The following ELOVL2 variants were observed in gnomAD, a reference collection of about 807,000 sequenced individuals.
ELOVL2 encodes ELOVL fatty acid elongase 2.
ELOVL2 carries 38 observed loss-of-function variants against 37.7 expected under a neutral mutation model. The ratio of observed to expected loss-of-function variants is 1.01; its 90% CI spans 0.78 to 1.32. The LOEUF is 1.32. Among genes scored for constraint, ELOVL2 ranks in the 40% most tolerant of loss-of-function variants. The pLI is 0.00. For missense variants in ELOVL2, 352 were observed against 363.6 expected (o/e 0.97, Z 0.26); for synonymous variants, 115 against 122.3 (o/e 0.94, Z 0.40).
chr6:10,988,555 ACT>A (rs1384973601), intron 7 of ELOVL2, among the ~76,000 whole-genome samples: 4 of 152,294 alleles, frequency 2.6e-5, no homozygotes. Context: ...TAAGAGCAAA[ACT>A]CTGTTTCAAA....
At chr6:11,010,696 G>A in intron 2 of ELOVL2, 50 bp downstream of exon 2, 1 of 1,356,102 alleles carries the variant, frequency 7.4e-7, no homozygotes, top group Non-Finnish European at 1.1e-6. Context: ...TAACTAAATG[G>A]TGTTCTTCCT....
At chr6:11,015,848 G>C (rs140230291) in intron 1 of ELOVL2, 53 of 152,268 alleles carry the variant, frequency 3.5e-4, no homozygotes, top group African/African-American at 1.3e-3. Flanking sequence ...ACAAACCAGG[G>C]CATCTCAAAT....
chr6:11,033,334 C>T (rs1228954174), intron 1 of ELOVL2, among the ~76,000 whole-genome samples: 2 of 152,140 alleles, frequency 1.3e-5, no homozygotes, highest in African/African-American at 4.8e-5. Flanking sequence ...GAATCCAATA[C>T]ACTTAAGAGT....
At chr6:10,994,096 A>C (rs1782219753) in intron 5 of ELOVL2, among the ~76,000 whole-genome samples, 1 of 151,572 alleles carries the variant, frequency 6.6e-6, no homozygotes, top group Non-Finnish European at 1.5e-5. Flanking sequence ...CCAGGAGGTT[A>C]AGGCTGCGGT....
At chr6:10,992,428 T>C (rs1371640720) in intron 5 of ELOVL2, among the ~76,000 whole-genome samples, 1 of 152,060 alleles carries the variant, frequency 6.6e-6, no homozygotes, top group African/African-American at 2.4e-5. Context: ...CATCTCAAAC[T>C]GTAGGTCATA....
At chr6:11,013,370 G>C (rs1415484740) in intron 1 of ELOVL2, among the ~76,000 whole-genome samples, 2 of 152,262 alleles carry the variant, frequency 1.3e-5, no homozygotes, top group Non-Finnish European at 2.9e-5. Flanking sequence ...TAGTGAACTG[G>C]GGTGAGATTA....
rs1346505638 is a variant in ELOVL2, at chr6:11,040,050, G to A, written c.3+4178C>T. Among the ~76,000 whole-genome samples the A allele has an allele frequency of 3.3e-5, 5 of 152,150 alleles. No homozygotes were observed. The South Asian group carries it at 8.3e-4, about 25-fold the overall frequency. On this transcript the variant is annotated intron_variant, in intron 1 of 7. Transcript: ENST00000354666. ...ATGGTGGAAAGGGGGCTCAAGGGGT[G>A]GAGGAAAGAGATTTTGAAATATTTT...
chr6:11,004,540 T>G (rs1782446854), intron 3 of ELOVL2, among the ~76,000 whole-genome samples: 5 of 152,034 alleles, frequency 3.3e-5, no homozygotes, highest in Admixed American at 2.6e-4. Flanking sequence ...TAAAATGACC[T>G]TGGTTTGGTG....
intron 7 of ELOVL2, among the ~76,000 whole-genome samples, chr6:10,985,275 G>C (rs1038817615): frequency 7.9e-5 from 12 of 151,800 alleles, no homozygotes; most frequent in Non-Finnish European, 1.6e-4. Context: ...TTTGTCAGAT[G>C]AGTAGGTTGT....
At chr6:11,043,404 A>AACACACAC (rs34656289) in intron 1 of ELOVL2, 17,879 of 114,938 alleles carry the variant, frequency 0.16, 2,045 homozygotes, top group Admixed American at 0.21. Flanking sequence ...GACACGGGTG[A>AACACACAC]ACACACACAC....
chr6:10,997,137 A>G (rs1217728983), intron 4 of ELOVL2, among the ~76,000 whole-genome samples: 1 of 152,240 alleles, frequency 6.6e-6, no homozygotes, highest in Non-Finnish European at 1.5e-5. Context: ...AATAAGTCAA[A>G]TGAACACTCA....
chr6:11,032,447 C>A (rs1782946005), intron 1 of ELOVL2, among the ~76,000 whole-genome samples: 1 of 151,880 alleles, frequency 6.6e-6, no homozygotes, highest in Non-Finnish European at 1.5e-5. Context: ...TGTACTAAAC[C>A]ATGGACAAAT....
chr6:11,039,152 T>A (rs1478398290), intron 1 of ELOVL2, among the ~76,000 whole-genome samples: 1 of 152,214 alleles, frequency 6.6e-6, no homozygotes, highest in Non-Finnish European at 1.5e-5. Context: ...CATTTGATTC[T>A]AACAAAACAA....
chr6:11,008,477 C>G (rs1051231258), intron 2 of ELOVL2, among the ~76,000 whole-genome samples: 1 of 152,138 alleles, frequency 6.6e-6, no homozygotes, highest in Non-Finnish European at 1.5e-5. Flanking sequence ...ATCTTGCATG[C>G]CTAAGCGAGA....
chr6:11,042,968 A>G (rs1783125948), intron 1 of ELOVL2, among the ~76,000 whole-genome samples: 1 of 152,202 alleles, frequency 6.6e-6, no homozygotes, highest in African/African-American at 2.4e-5. Context: ...CTGGTAGAGG[A>G]GACGTTCAAG....
Position 10,981,003 on chromosome 6 carries a change from G to T in ELOVL2, c.*2778C>A, listed in dbSNP as rs1251590989. ...AATGGACTCCTAGATACAAAAGGCTGTTCTGCCCATCACAGTAAACACTGT... is the reference window on the plus strand; with the variant it reads ...AATGGACTCCTAGATACAAAAGGCTTTTCTGCCCATCACAGTAAACACTGT... On this transcript the variant is annotated 3_prime_UTR_variant, in exon 8 of 8. Transcript: ENST00000354666. 1 of 152,348 alleles carries T rather than the reference G, an allele frequency of 6.6e-6. No individual in the cohort carries two copies. 9.4% of individuals were successfully genotyped at this position (152,348 alleles called of 1,614,324 possible). A position where few individuals can be genotyped will look rare whatever the true frequency, so the allele number is the denominator to read the frequency against.
chr6:11,029,026 G>C (rs1409771509), intron 1 of ELOVL2, among the ~76,000 whole-genome samples: 1 of 137,882 alleles, frequency 7.3e-6, no homozygotes, highest in African/African-American at 2.7e-5. Flanking sequence ...GGTAGCATGA[G>C]CCTGGGCAAC....
rs148178457 is a variant in ELOVL2 at position 11,007,849 on chromosome 6, A to G, written c.68-2290T>C. On this transcript the variant is annotated intron_variant, in intron 2 of 7. Coordinates refer to ENST00000354666, the MANE Select transcript of ELOVL2 (RefSeq NM_017770.4). ...GCATATCCATTGGCACATTGAGTCA[A>G]GCACATACTGCAAACTAATATAGCA... 3.9e-3 allele frequency among the ~76,000 whole-genome samples: 597 copies of G among 152,342 alleles called. 1 individual carries two copies. The highest frequency in any genetic ancestry group is 0.013 in the African/African-American group (558 of 41,572).
chr6:11,038,721 A>T (rs1478436927), intron 1 of ELOVL2, among the ~76,000 whole-genome samples: 1 of 152,226 alleles, frequency 6.6e-6, no homozygotes, highest in Non-Finnish European at 1.5e-5. Context: ...AAATATGACT[A>T]TGAAGTGTAA....
Sources: allele counts gnomAD v4.1 joint callset (sites outside exome capture counted in the v4.1 genomes callset), GRCh38; gene constraint gnomAD v4.1.1; transcripts MANE v1.5; gene names NCBI Gene and HGNC (gene_info 2026-07-23, HGNC 2026-07-21).